The following MAPK6 variants were observed in gnomAD, a reference collection of about 807,000 sequenced individuals.
The protein encoded by MAPK6 is ERK-3.
In MAPK6, 19 loss-of-function variants were observed where a neutral mutation model predicts 59.3. The observed-to-expected ratio is 0.32, with a 90% CI of 0.22 to 0.47. The LOEUF (loss-of-function observed/expected upper bound fraction) is 0.47. MAPK6 is among the 20% of genes least tolerant of loss of function. The pLI, the probability that MAPK6 is intolerant of heterozygous loss-of-function variation, is 1.00. For missense variants in MAPK6, 724 were observed against 847.9 expected (o/e 0.85, Z 1.81); for synonymous variants, 316 against 290.3 (o/e 1.09, Z -0.90).
At chr15:52,001,786 GGCGTGATC>G in intron 2 of MAPK6, among the ~76,000 whole-genome samples, 1 of 152,126 alleles carries the variant, frequency 6.6e-6, no homozygotes, top group Middle Eastern at 3.2e-3. Flanking sequence ...TGGGATTATA[GGCGTGATC>G]CGCCACTCCT....
At chr15:52,008,582 A>C (rs1338869608) in intron 3 of MAPK6, among the ~76,000 whole-genome samples, 1 of 152,208 alleles carries the variant, frequency 6.6e-6, no homozygotes, top group African/African-American at 2.4e-5. Context: ...TCCTCTGCTC[A>C]CCTGCGTGCT....
chr15:51,978,382 C>T (rs974749324), intron 1 of MAPK6, among the ~76,000 whole-genome samples: 7 of 151,938 alleles, frequency 4.6e-5, no homozygotes, highest in Non-Finnish European at 8.8e-5. Flanking sequence ...GATCCACCGG[C>T]CTTGGCCTCC....
intron 1 of MAPK6, among the ~76,000 whole-genome samples, chr15:52,026,987 T>A (rs1299759355): frequency 6.7e-6 from 1 of 149,846 alleles, no homozygotes; most frequent in Non-Finnish European, 1.5e-5. Context: ...GAGGCGGAGG[T>A]TGCAGTGAGC....
intron 1 of MAPK6, among the ~76,000 whole-genome samples, chr15:51,973,420 C>T (rs1301136142): frequency 6.6e-6 from 1 of 152,046 alleles, no homozygotes; most frequent in Admixed American, 6.5e-5. Flanking sequence ...TAGCTCACTG[C>T]AGCCTCAAAC....
intron 3 of MAPK6, among the ~76,000 whole-genome samples, chr15:52,051,195 C>T (rs538594404): frequency 2.6e-5 from 4 of 152,188 alleles, no homozygotes; most frequent in East Asian, 1.9e-4. Context: ...GTAGCTGGGA[C>T]TACAGGCGCC....
rs920204318 is a variant in MAPK6 at position 51,976,806 on chromosome 15, G to A, written c.-880+4900G>A. Reference sequence around the variant, plus strand: ...AAAAATACAAAAATTAGCCGGGCTTGGCGGTCGCACTCCTGTAATCTCAGC... The same window carrying A: ...AAAAATACAAAAATTAGCCGGGCTTAGCGGTCGCACTCCTGTAATCTCAGC... On this transcript the variant is annotated intron_variant, in intron 1 of 7. Coordinates refer to the MAPK6 transcript ENST00000691380. Among the ~76,000 whole-genome samples the A allele has an allele frequency of 4.0e-5, 6 of 151,478 alleles. 1 individual carries two copies. The highest frequency in any genetic ancestry group is 8.8e-5 in the Non-Finnish European group (6 of 67,878).
chr15:51,971,898 C>T (rs2057128369), exon 1 of MAPK6: 8 of 733,070 alleles, frequency 1.1e-5, no homozygotes, highest in South Asian at 1.1e-4. Flanking sequence ...TGAACCTGTT[C>T]TCGCCTGGGT....
rs760763262 is a variant in MAPK6, at chr15:52,064,726, A to G, written c.1892A>G (p.Lys631Arg). The G allele has an allele frequency of 1.2e-6, 2 of 1,611,894 alleles. No homozygotes were observed. The highest frequency in any genetic ancestry group is 1.7e-6 in the Non-Finnish European group (2 of 1,179,754). Residue 631 changes from lysine (K) to arginine (R), a missense_variant, in exon 6 of 6, where the codon AAG (lysine) becomes AGG (arginine). This residue lies in a region of MAPK6 where 502 missense variants were observed against 507.6 expected (regional missense o/e 0.99). Coordinates refer to ENST00000261845, the MANE Select transcript of MAPK6 (RefSeq NM_002748.4). ...AACACTTACACTAGTTACTTGGACA[A>G]GTTCTTTAGCAGGAAAGAAGATACT... is the stretch of plus-strand genomic sequence containing the variant. The part of the protein sequence containing the change: ...KENTYTSYLD[K>R]FFSRKEDTEM...
At chr15:52,054,694 A>C in intron 3 of MAPK6, among the ~76,000 whole-genome samples, 1 of 151,642 alleles carries the variant, frequency 6.6e-6, no homozygotes, top group African/African-American at 2.4e-5. Flanking sequence ...TACCTTCTCG[A>C]ATGAACAAGG....
chr15:52,007,431 T>A (rs1260732370), intron 3 of MAPK6, among the ~76,000 whole-genome samples: 2 of 152,202 alleles, frequency 1.3e-5, no homozygotes, highest in African/African-American at 2.4e-5. Flanking sequence ...AAGACAACTT[T>A]TTTTCCTCCT....
intron 1 of MAPK6, among the ~76,000 whole-genome samples, chr15:52,040,882 A>G (rs2031397700): frequency 1.3e-5 from 2 of 152,260 alleles, no homozygotes; most frequent in African/African-American, 4.8e-5. Flanking sequence ...AGCCAAAGAA[A>G]AAGCAAAAAG....
intron 1 of MAPK6, chr15:52,033,958 C>CT (rs1015184912): frequency 6.6e-6 from 1 of 151,290 alleles, no homozygotes; most frequent in African/African-American, 2.4e-5. Flanking sequence ...TCCCTGGTTG[C>CT]TTTTTTGTTT....
At chr15:51,990,903 G>A (rs1475400716) in intron 2 of MAPK6, among the ~76,000 whole-genome samples, 4 of 152,200 alleles carry the variant, frequency 2.6e-5, no homozygotes, top group East Asian at 3.9e-4. Context: ...GCAGTGAGCC[G>A]AGATCTGGCC....
chr15:52,037,834 A>G (rs1330353819), intron 1 of MAPK6, among the ~76,000 whole-genome samples: 3 of 152,322 alleles, frequency 2.0e-5, no homozygotes, highest in South Asian at 2.1e-4. Flanking sequence ...TGCTATTTAC[A>G]TTGATTCATT....
At chr15:52,011,507 T>C (rs1171240734) in intron 3 of MAPK6, 1 of 152,246 alleles carries the variant, frequency 6.6e-6, no homozygotes, top group Admixed American at 6.5e-5. Flanking sequence ...TATTCAGGCA[T>C]GAGTTACAGT....
At position 52,065,814 on chromosome 15, in the gene MAPK6, A is replaced by G. The variant is rs1457937906; in HGVS notation, c.*814A>G. The G allele has an allele frequency of 6.6e-6, 1 of 152,578 alleles. No homozygotes were observed. The allele number at this position is 152,578 out of a possible 1,614,324, so 9.5% of individuals were successfully genotyped here. A position where few individuals can be genotyped will look rare whatever the true frequency, so the allele number is the denominator to read the frequency against. On this transcript the variant is annotated 3_prime_UTR_variant, in exon 6 of 6. Transcript: ENST00000261845. ...TGCATCTATAATGTCAGCTTATCCT[A>G]AGGCTGTCCACGTACTTAATTTACT...
intron 3 of MAPK6, among the ~76,000 whole-genome samples, chr15:52,007,517 T>A (rs1443814856): frequency 1.3e-5 from 2 of 152,124 alleles, no homozygotes; most frequent in Non-Finnish European, 2.9e-5. Flanking sequence ...AAAAGAAAAA[T>A]TTAAATTACT....
chr15:52,056,159 T>G (rs1329268088), intron 3 of MAPK6, among the ~76,000 whole-genome samples: 1 of 152,238 alleles, frequency 6.6e-6, no homozygotes, highest in African/African-American at 2.4e-5. Context: ...TGTCTTATTT[T>G]TTGGTGCATT....
At chr15:52,025,640 A>C (rs537814509) in intron 1 of MAPK6, among the ~76,000 whole-genome samples, 1 of 152,260 alleles carries the variant, frequency 6.6e-6, no homozygotes, top group South Asian at 2.1e-4. Flanking sequence ...GTCTCTACTA[A>C]AAATACAAAA....
Sources: allele counts gnomAD v4.1 joint callset (sites outside exome capture counted in the v4.1 genomes callset), GRCh38; gene constraint gnomAD v4.1.1; regional missense constraint gnomAD v4.1.1; transcripts MANE v1.5; gene names NCBI Gene and HGNC (gene_info 2026-07-23, HGNC 2026-07-21).